The following INTS4 variants were observed in gnomAD, a reference collection of about 807,000 sequenced individuals.
INTS4 encodes MSTP093.
A neutral mutation model predicts 119.5 loss-of-function variants in INTS4; 70 were observed. That is an observed-to-expected ratio of 0.59 (90% CI 0.48 to 0.71). The LOEUF is 0.71. INTS4 is among the 30% of genes least tolerant of loss of function. INTS4 has a pLI of 0.00. For synonymous variants in INTS4, 316 were observed against 419.6 expected, an observed-to-expected ratio of 0.75 and a Z score of 3.02; for missense variants, 867 against 1,173.2, an observed-to-expected ratio of 0.74 and a Z score of 3.81.
At chr11:77,979,984 A>G (rs1201354753) in intron 3 of INTS4, among the ~76,000 whole-genome samples, 1 of 135,644 alleles carries the variant, frequency 7.4e-6, no homozygotes, top group Non-Finnish European at 1.6e-5. Context: ...TCTCAAAAAA[A>G]AAAAAAAAAA....
At chr11:77,927,801 G>A (rs1020544078) in intron 11 of INTS4, among the ~76,000 whole-genome samples, 20 of 152,084 alleles carry the variant, frequency 1.3e-4, no homozygotes, top group Admixed American at 8.5e-4. Flanking sequence ...CTATAGCCAC[G>A]TCCTCCACTC....
intron 2 of INTS4, among the ~76,000 whole-genome samples, chr11:77,990,291 T>A (rs1856623040): frequency 6.6e-6 from 1 of 151,408 alleles, no homozygotes; most frequent in Admixed American, 6.6e-5. Flanking sequence ...CGTGGAAGGC[T>A]GAGCCAGGAG....
At chr11:77,905,905 TGA>T (rs1396541427) in intron 16 of INTS4, among the ~76,000 whole-genome samples, 1 of 152,230 alleles carries the variant, frequency 6.6e-6, no homozygotes, top group African/African-American at 2.4e-5. Context: ...ATTAGTAACC[TGA>T]GTGTTTATGC....
At chr11:77,947,211 A>G (rs1954070544) in intron 8 of INTS4, among the ~76,000 whole-genome samples, 1 of 152,180 alleles carries the variant, frequency 6.6e-6, no homozygotes. Flanking sequence ...GATGGAGAAG[A>G]GAAAGAGAAA....
At chr11:77,882,303 A>G (rs1282045388) in intron 22 of INTS4, among the ~76,000 whole-genome samples, 1 of 152,178 alleles carries the variant, frequency 6.6e-6, no homozygotes, top group African/African-American at 2.4e-5. Context: ...TTAAGAGGAA[A>G]TGGGGCCTAG....
intron 13 of INTS4, among the ~76,000 whole-genome samples, 184 bp downstream of exon 13, chr11:77,922,172 G>A (rs1953377930): frequency 6.7e-6 from 1 of 149,956 alleles, no homozygotes; most frequent in African/African-American, 2.5e-5. Context: ...AGGTTTCAGT[G>A]AGCCGAGATC....
chr11:77,886,511 C>T (rs1156841142), intron 21 of INTS4, among the ~76,000 whole-genome samples: 1 of 152,194 alleles, frequency 6.6e-6, no homozygotes, highest in Non-Finnish European at 1.5e-5. Flanking sequence ...TTCAATGAAG[C>T]ACGGGTAAAC....
At chr11:77,892,407 C>G (rs1371620403) in intron 19 of INTS4, among the ~76,000 whole-genome samples, 1 of 152,124 alleles carries the variant, frequency 6.6e-6, no homozygotes, top group Non-Finnish European at 1.5e-5. Context: ...GAGGTGATAT[C>G]TGTGCAGGAA....
intron 15 of INTS4, among the ~76,000 whole-genome samples, chr11:77,912,195 C>G (rs1953103211): frequency 6.6e-6 from 1 of 152,050 alleles, no homozygotes; most frequent in Non-Finnish European, 1.5e-5. Flanking sequence ...TACCCCATCT[C>G]TACTAAAATA....
At chr11:77,977,790 G>C (rs1856010507) in intron 4 of INTS4, 1 of 151,568 alleles carries the variant, frequency 6.6e-6, no homozygotes, top group Non-Finnish European at 1.5e-5. Context: ...ACTCTCAGAA[G>C]CAAACTTCAC....
intron 18 of INTS4, among the ~76,000 whole-genome samples, chr11:77,899,804 A>C (rs1052665928): frequency 6.6e-6 from 1 of 152,176 alleles, no homozygotes; most frequent in Non-Finnish European, 1.5e-5. Flanking sequence ...GCAGAACAGC[A>C]AAGTATGGTA....
downstream of INTS4, among the ~76,000 whole-genome samples, chr11:77,874,440 G>A (rs905244586): frequency 6.6e-6 from 1 of 151,182 alleles, no homozygotes; most frequent in Non-Finnish European, 1.5e-5. Context: ...CAGTGTGGGT[G>A]TAATCATTCT....
At position 77,938,709 on chromosome 11, in the gene INTS4, G is replaced by A. The variant is rs759827560; in HGVS notation, c.1107C>T (p.Asn369=). ...CTCCACAAGCTCCTGACTCAATCAA[G>A]TTCACAGCCCCGGTATCTACTTCTT... is the stretch of plus-strand genomic sequence containing the variant. ...PKEEVDTGAV[N]LIESGACGAF... Residue 369 remains asparagine (N), a synonymous_variant, in exon 10 of 23, where the codon AAC becomes AAT. Coordinates refer to ENST00000534064, the MANE Select transcript of INTS4 (RefSeq NM_033547.4). 4 of 1,611,908 alleles carry A rather than the reference G, an allele frequency of 2.5e-6. No individual in the cohort carries two copies. In the South Asian group the frequency reaches 4.4e-5, roughly 18 times the overall value.
intron 21 of INTS4, among the ~76,000 whole-genome samples, chr11:77,888,903 A>G (rs996107210): frequency 6.6e-6 from 1 of 152,226 alleles, no homozygotes; most frequent in Non-Finnish European, 1.5e-5. Flanking sequence ...TAGAATGGCT[A>G]TCATTAAAAA....
At chr11:77,905,168 C>T (rs998608470) in intron 16 of INTS4, among the ~76,000 whole-genome samples, 10 of 151,900 alleles carry the variant, frequency 6.6e-5, no homozygotes, top group Non-Finnish European at 1.2e-4. Flanking sequence ...ATACTTAAGA[C>T]GAAATGGGCT....
chr11:77,934,420 CA>C (rs1201676981), intron 10 of INTS4, among the ~76,000 whole-genome samples: 1 of 145,986 alleles, frequency 6.8e-6, no homozygotes, highest in East Asian at 2.0e-4. Context: ...AAGAATGATG[CA>C]AATGCCTAGA....
chr11:77,882,523 T>G (rs2136355953), intron 22 of INTS4, among the ~76,000 whole-genome samples: 1 of 152,284 alleles, frequency 6.6e-6, no homozygotes, highest in South Asian at 2.1e-4. Flanking sequence ...CCGGGATCCC[T>G]TCAGCAGAAG....
chr11:77,920,137 T>A (rs1189293166), intron 14 of INTS4, among the ~76,000 whole-genome samples: 2 of 126,064 alleles, frequency 1.6e-5, no homozygotes, highest in African/African-American at 5.6e-5. Flanking sequence ...AAAGTTTAAA[T>A]TTTCTAACCA....
intron 9 of INTS4, among the ~76,000 whole-genome samples, chr11:77,940,946 T>C (rs957052375): frequency 1.3e-5 from 2 of 152,208 alleles, no homozygotes; most frequent in African/African-American, 4.8e-5. Context: ...AGAAAATTAA[T>C]CTTGCCTCTT....
Sources: gnomAD v4.1 joint callset for allele counts (sites outside exome capture counted in the v4.1 genomes callset) on GRCh38, gnomAD v4.1.1 for gene constraint, MANE v1.5 for transcripts, NCBI Gene and HGNC (gene_info 2026-07-23, HGNC 2026-07-21) for gene names.